The following ROBO2 variants were observed in gnomAD, a reference collection of about 807,000 sequenced individuals.
ROBO2 encodes roundabout guidance receptor 2.
Under a neutral mutation model 160.8 loss-of-function variants are expected in ROBO2, and 53 were observed. The ratio of observed to expected loss-of-function variants is 0.33; its 90% CI spans 0.26 to 0.41. The LOEUF is 0.41. Ranked by LOEUF, ROBO2 falls within the 10% of genes least tolerant of loss-of-function variation. The pLI is 1.00. For missense variants in ROBO2, 1,577 were observed against 1,722.4 expected, an observed-to-expected ratio of 0.92 and a Z score of 1.49; for synonymous variants, 664 against 611.7, an observed-to-expected ratio of 1.09 and a Z score of -1.26.
At chr3:76,025,925 C>T (rs2066729425) in intron 2 of ROBO2, among the ~76,000 whole-genome samples, 1 of 151,826 alleles carries the variant, frequency 6.6e-6, no homozygotes, top group Admixed American at 6.6e-5. Context: ...TCTACATGAG[C>T]TCTACCATCC....
chr3:76,983,559 G>A (rs1168333748), intron 2 of ROBO2, among the ~76,000 whole-genome samples: 3 of 151,890 alleles, frequency 2.0e-5, no homozygotes, highest in Non-Finnish European at 4.4e-5. Context: ...ACCCAATATT[G>A]GAATAGGAAT....
chr3:76,999,618 T>C (rs184343481), intron 2 of ROBO2, among the ~76,000 whole-genome samples: 7 of 152,250 alleles, frequency 4.6e-5, no homozygotes, highest in Non-Finnish European at 8.8e-5. Context: ...TACAGAAATT[T>C]CAGTTCTTGA....
chr3:77,604,647 G>T (rs1318249712), intron 20 of ROBO2, among the ~76,000 whole-genome samples: 2 of 152,006 alleles, frequency 1.3e-5, no homozygotes, highest in Admixed American at 6.6e-5. Context: ...TTCTTTAGTA[G>T]GTGAGAGTGA....
At chr3:76,434,389 GTC>G in intron 2 of ROBO2, 2 of 1,553,768 alleles carry the variant, frequency 1.3e-6, no homozygotes, top group South Asian at 2.2e-5. Context: ...TTAATCACCT[GTC>G]AGCTGTCAAC....
At chr3:76,498,360 A>G (rs1047521629) in intron 2 of ROBO2, among the ~76,000 whole-genome samples, 1 of 152,116 alleles carries the variant, frequency 6.6e-6, no homozygotes, top group African/African-American at 2.4e-5. Context: ...GTTAGATAGG[A>G]ATAAATTCAA....
At chr3:76,776,319 T>C (rs1026265213) in intron 2 of ROBO2, among the ~76,000 whole-genome samples, 1 of 151,028 alleles carries the variant, frequency 6.6e-6, no homozygotes, top group Non-Finnish European at 1.5e-5. Context: ...TAAAAACATA[T>C]GTGTGAAGCA....
chr3:76,926,533 G>A (rs757369172), intron 2 of ROBO2, among the ~76,000 whole-genome samples: 4 of 152,098 alleles, frequency 2.6e-5, no homozygotes, highest in Non-Finnish European at 4.4e-5. Flanking sequence ...CTCGCTGTAC[G>A]TTTTATAAAG....
At chr3:76,111,708 T>G (rs901815756) in intron 2 of ROBO2, among the ~76,000 whole-genome samples, 1 of 152,106 alleles carries the variant, frequency 6.6e-6, no homozygotes, top group Non-Finnish European at 1.5e-5. Flanking sequence ...GAGACTCTAC[T>G]CTGCTGTTAC....
chr3:77,370,010 CA>C (rs1240216906), intron 2 of ROBO2, among the ~76,000 whole-genome samples: 2 of 152,134 alleles, frequency 1.3e-5, no homozygotes, highest in Non-Finnish European at 2.9e-5. Context: ...ATTGTAGATG[CA>C]ACAAGAGTGA....
At chr3:76,303,728 A>AT (rs1319228195) in intron 2 of ROBO2, among the ~76,000 whole-genome samples, 1 of 152,222 alleles carries the variant, frequency 6.6e-6, no homozygotes, top group African/African-American at 2.4e-5. Flanking sequence ...CCTCTGCTTA[A>AT]TTTTTTAATG....
chr3:77,064,306 T>C (rs924852457), intron 1 of ROBO2, among the ~76,000 whole-genome samples: 2 of 151,298 alleles, frequency 1.3e-5, no homozygotes, highest in African/African-American at 2.4e-5. Flanking sequence ...TATATTTTTA[T>C]ACAAATTGCA....
At chr3:76,806,329 G>A (rs1331589088) in intron 2 of ROBO2, among the ~76,000 whole-genome samples, 1 of 151,510 alleles carries the variant, frequency 6.6e-6, no homozygotes, top group East Asian at 1.9e-4. Flanking sequence ...ACACCCAGGG[G>A]AACAGAAGTA....
At chr3:76,244,770 TTAGAA>T (rs1448230854) in intron 2 of ROBO2, among the ~76,000 whole-genome samples, 2 of 152,154 alleles carry the variant, frequency 1.3e-5, no homozygotes, top group Non-Finnish European at 2.9e-5. Flanking sequence ...AATGGGTGTG[TTAGAA>T]TAGACAATAC....
intron 2 of ROBO2, among the ~76,000 whole-genome samples, chr3:77,171,156 C>A (rs1363994714): frequency 6.6e-6 from 1 of 152,078 alleles, no homozygotes; most frequent in African/African-American, 2.4e-5. Context: ...GACAGACAGC[C>A]CGGTGACAAT....
intron 2 of ROBO2, among the ~76,000 whole-genome samples, chr3:76,835,776 A>G (rs7620046): frequency 0.045 from 6,780 of 152,042 alleles, 511 homozygotes; most frequent in African/African-American, 0.16. Flanking sequence ...ATTCATTTAA[A>G]CTGGTTTCTG....
intron 2 of ROBO2, among the ~76,000 whole-genome samples, chr3:77,410,617 T>TCCTCCTC (rs2076668365): frequency 5.5e-5 from 1 of 18,194 alleles, no homozygotes. Context: ...TCTTCCTCCT[T>TCCTCCTC]CTTCTCCTCC....
chr3:76,836,507 A>G (rs1457794845), intron 2 of ROBO2, among the ~76,000 whole-genome samples: 1 of 151,120 alleles, frequency 6.6e-6, no homozygotes, highest in Non-Finnish European at 1.5e-5. Flanking sequence ...ATTTGTTTTC[A>G]GTAGCTTCAT....
chr3:77,616,373 G>GT (rs11393761), intron 21 of ROBO2, among the ~76,000 whole-genome samples: 90,995 of 151,150 alleles, frequency 0.6, 27,579 homozygotes, highest in Middle Eastern at 0.7. Flanking sequence ...AGTTGGAAAG[G>GT]TTTTTTTTTA....
chr3:76,920,588 A>G (rs3883984), intron 2 of ROBO2, among the ~76,000 whole-genome samples: 26,606 of 152,216 alleles, frequency 0.17, 2,618 homozygotes, highest in Non-Finnish European at 0.23. Flanking sequence ...CACCAAGCCA[A>G]TGCTTTTTAA....
Sources: gnomAD v4.1 joint callset for allele counts (sites outside exome capture counted in the v4.1 genomes callset) on GRCh38, gnomAD v4.1.1 for gene constraint, MANE v1.5 for transcripts, NCBI Gene and HGNC (gene_info 2026-07-23, HGNC 2026-07-21) for gene names.